The following GNPDA2 variants were observed in gnomAD, a reference collection of about 807,000 sequenced individuals.
GNPDA2 encodes glcN6P deaminase 2.
Under a neutral mutation model 27.0 loss-of-function variants are expected in GNPDA2, and 24 were observed. The observed-to-expected ratio is 0.89, with a 90% CI of 0.64 to 1.25. The LOEUF (loss-of-function observed/expected upper bound fraction) is 1.25. Ranked by LOEUF, GNPDA2 falls within the 50% of genes most tolerant of loss-of-function variation. GNPDA2 has a pLI of 0.00. For synonymous variants in GNPDA2, 94 were observed against 108.4 expected, an observed-to-expected ratio of 0.87 and a Z score of 0.83; for missense variants, 286 against 335.1, an observed-to-expected ratio of 0.85 and a Z score of 1.14.
intron 4 of GNPDA2, among the ~76,000 whole-genome samples, chr4:44,712,558 A>C (rs893942078): frequency 5.3e-5 from 8 of 152,140 alleles, no homozygotes; most frequent in Admixed American, 1.3e-4. Context: ...ATAGACATTA[A>C]ATTATCTAGA....
intron 4 of GNPDA2, among the ~76,000 whole-genome samples, chr4:44,715,450 C>CT (rs1310461351): frequency 6.6e-6 from 1 of 151,934 alleles, no homozygotes; most frequent in Non-Finnish European, 1.5e-5. Context: ...AACTAAGAGC[C>CT]TTTTTTTGCA....
At position 44,701,963 on chromosome 4, in the gene GNPDA2, T is replaced by C; in HGVS notation, c.*1118A>G. 8.1e-6 allele frequency: 8 copies of C among 985,090 alleles called. No individual in the cohort carries two copies. The highest frequency in any genetic ancestry group is 9.6e-6 in the Non-Finnish European group (8 of 829,664). 61.0% of individuals were successfully genotyped at this position (985,090 alleles called of 1,614,324 possible). A position where few individuals can be genotyped will look rare whatever the true frequency, so the allele number is the denominator to read the frequency against. ...GATAAGTAAGGCTTCTTCTACCAGG[T>C]GGGCTTATGAAATGCAAAATAAGCA... On this transcript the variant is annotated 3_prime_UTR_variant, in exon 7 of 7. Coordinates refer to ENST00000295448, the MANE Select transcript of GNPDA2 (RefSeq NM_138335.3).
Position 44,705,838 on chromosome 4 carries a change from T to TAAAA in GNPDA2, c.769+1910_769+1913dup, listed in dbSNP as rs1716568387. On this transcript the variant is annotated intron_variant, in intron 6 of 6. Coordinates refer to ENST00000295448, the MANE Select transcript of GNPDA2 (RefSeq NM_138335.3). Reference sequence around the variant, plus strand: ...TCTCTGTCTGTTAAGCCTATTAATTTAAAAATGGGACTATGAATACCCATT... The same window carrying TAAAA: ...TCTCTGTCTGTTAAGCCTATTAATTTAAAAAAAAATGGGACTATGAATACCCATT... The TAAAA allele has an allele frequency of 2.0e-5, 3 of 152,088 alleles. No individual in the cohort carries two copies. In the South Asian group the frequency reaches 6.2e-4, roughly 32 times the overall value. 9.4% of individuals were successfully genotyped at this position (152,088 alleles called of 1,614,324 possible). A position where few individuals can be genotyped will look rare whatever the true frequency, so the allele number is the denominator to read the frequency against.
chr4:44,704,069 A>G (rs903162644), intron 6 of GNPDA2: 1 of 985,226 alleles, frequency 1.0e-6, no homozygotes, highest in African/African-American at 1.7e-5. Flanking sequence ...GAAAGGCTGC[A>G]AAAAGGACTC....
At chr4:44,719,155 C>G (rs1717513310) in intron 2 of GNPDA2, among the ~76,000 whole-genome samples, 1 of 151,572 alleles carries the variant, frequency 6.6e-6, no homozygotes, top group South Asian at 2.1e-4. Context: ...TCTTTGTTTT[C>G]TAAATTTGTT....
intron 1 of GNPDA2, among the ~76,000 whole-genome samples, chr4:44,725,968 GA>G (rs1475361336): frequency 2.6e-5 from 4 of 152,270 alleles, no homozygotes; most frequent in African/African-American, 9.6e-5. Context: ...TACACTTGCA[GA>G]ACCTCTGCTC....
intron 6 of GNPDA2, chr4:44,707,255 AT>A (rs1716660860): frequency 6.5e-6 from 1 of 154,328 alleles, no homozygotes. Flanking sequence ...ATTCCATACT[AT>A]TTTAACATTT....
At chr4:44,717,757 G>A (rs1717399418) in intron 3 of GNPDA2, among the ~76,000 whole-genome samples, 1 of 151,728 alleles carries the variant, frequency 6.6e-6, no homozygotes, top group African/African-American at 2.4e-5. Context: ...CAGATTATGT[G>A]GGATCACAAC....
Position 44,702,932 on chromosome 4 carries a change from A to T in GNPDA2, c.*149T>A. 1 of 1,470,762 alleles carries T rather than the reference A, an allele frequency of 6.8e-7. No homozygotes were observed. Among genetic ancestry groups the T allele is most frequent in the Non-Finnish European group, 8.9e-7 (1 of 1,121,198 alleles). The allele number at this position is 1,470,762 out of a possible 1,614,324, so 91.1% of individuals were successfully genotyped here. A position where few individuals can be genotyped will look rare whatever the true frequency, so the allele number is the denominator to read the frequency against. The stretch of plus-strand genomic sequence containing the variant: ...CCAAGTACAAGATATAAATATTCAA[A>T]ATATGGAATGTTTAACATAGAGACT... On this transcript the variant is annotated 3_prime_UTR_variant, in exon 7 of 7. Transcript: ENST00000295448.
chr4:44,704,419 TAC>T, intron 6 of GNPDA2: 2 of 931,622 alleles, frequency 2.1e-6, no homozygotes, highest in Non-Finnish European at 1.3e-6. Context: ...ACGGAAAGAA[TAC>T]ACAGAGCTTT....
In GNPDA2 at chr4:44,711,049, G is replaced by C. The variant is rs746268915; in HGVS notation, c.498C>G (p.Thr166=). Residue 166 remains threonine (T), a synonymous_variant, in exon 5 of 7, where the codon ACC becomes ACG. Transcript: ENST00000295448. ...RTRLKTLAMD[T]ILANAKYFDG... is the part of the protein sequence containing the mutation. The stretch of plus-strand genomic sequence containing the variant: ...CAAAATATTTGGCATTTGCCAAGAT[G>C]GTATCCATTGCTAGAGTCTTTAATC... 1 of 1,612,990 alleles carries C rather than the reference G, an allele frequency of 6.2e-7. No individual in the cohort carries two copies. Among genetic ancestry groups the C allele is most frequent in the Non-Finnish European group, 8.5e-7 (1 of 1,179,308 alleles).
chr4:44,704,835 G>A (rs1716488943), intron 6 of GNPDA2: 5 of 983,242 alleles, frequency 5.1e-6, no homozygotes, highest in South Asian at 9.4e-5. Flanking sequence ...AACTACTGAG[G>A]TGGAGCCTAA....
chr4:44,704,393 G>C, intron 6 of GNPDA2: 1 of 942,562 alleles, frequency 1.1e-6, no homozygotes, highest in African/African-American at 1.8e-5. Flanking sequence ...TCTGTCATTT[G>C]CTAACAACTT....
chr4:44,705,124 T>G (rs1197437041), intron 6 of GNPDA2: 2 of 985,116 alleles, frequency 2.0e-6, no homozygotes, highest in Non-Finnish European at 2.4e-6. Context: ...AAGATTCTGG[T>G]CAGCACTTTT....
intron 1 of GNPDA2, among the ~76,000 whole-genome samples, chr4:44,725,677 C>T (rs1300204024): frequency 6.6e-6 from 1 of 152,122 alleles, no homozygotes; most frequent in East Asian, 1.9e-4. Flanking sequence ...ATTTCTTCAC[C>T]ACATTTAAGT....
In GNPDA2 at chr4:44,717,287, T is replaced by C. The variant is rs912969273; in HGVS notation, c.235A>G (p.Arg79Gly). Reference protein sequence around the residue: ...FNMDEYVGLPRNHPESYHSYM... With the variant: ...FNMDEYVGLPGNHPESYHSYM... The stretch of plus-strand genomic sequence containing the variant: ...GAATGGTAGCTTTCAGGATGATTTC[T>C]TGGAAGTCCTAAAGATGAAGTTAAT... Residue 79 changes from arginine to glycine, a missense_variant, in exon 4 of 7, where the codon AGA (arginine) becomes GGA (glycine). Coordinates refer to ENST00000295448, the MANE Select transcript of GNPDA2 (RefSeq NM_138335.3). 21 of 1,473,346 alleles carry C rather than the reference T, an allele frequency of 1.4e-5. No individual in the cohort carries two copies. The highest frequency in any genetic ancestry group is 1.8e-5 in the Non-Finnish European group (20 of 1,088,752). 91.3% of individuals were successfully genotyped at this position (1,473,346 alleles called of 1,614,324 possible).
At chr4:44,712,369 A>C (rs543918077) in intron 4 of GNPDA2, among the ~76,000 whole-genome samples, 1 of 152,280 alleles carries the variant, frequency 6.6e-6, no homozygotes, top group East Asian at 1.9e-4. Flanking sequence ...TATGACAAAG[A>C]GTAACCCAGT....
chr4:44,704,483 A>G (rs1577579024), intron 6 of GNPDA2: 2 of 783,366 alleles, frequency 2.6e-6, no homozygotes, highest in Non-Finnish European at 3.1e-6. Context: ...CAACTCCTTT[A>G]TAAAATTTTT....
rs770413825 is a variant in GNPDA2 at position 44,711,061 on chromosome 4, T to C, written c.486A>G (p.Leu162=). 1.2e-4 allele frequency: 196 copies of C among 1,613,182 alleles called. No individual in the cohort carries two copies. Among genetic ancestry groups the C allele is most frequent in the Non-Finnish European group, 1.6e-4 (183 of 1,179,562 alleles). Residue 162 remains leucine, a synonymous_variant, in exon 5 of 7, where the codon CTA becomes CTG. Coordinates refer to ENST00000295448, the MANE Select transcript of GNPDA2 (RefSeq NM_138335.3). ...CATTTGCCAAGATGGTATCCATTGC[T>C]AGAGTCTTTAATCTTGTCCTTGACA... ...SLVSRTRLKT[L]AMDTILANAK...
Sources: allele counts gnomAD v4.1 joint callset (sites outside exome capture counted in the v4.1 genomes callset), GRCh38; gene constraint gnomAD v4.1.1; transcripts MANE v1.5; gene names NCBI Gene and HGNC (gene_info 2026-07-23, HGNC 2026-07-21).